Variants in CIMAP2 observed in about 807,000 individuals in gnomAD.
CIMAP2 encodes the protein ciliary microtubule-associated protein 2.
the CIMAP2 span, among the ~76,000 whole-genome samples, chr1:54,821,012 G>A: frequency 1.3e-5 from 2 of 151,626 alleles, no homozygotes; most frequent in Non-Finnish European, 1.5e-5. Context: ...CAGGTGATCC[G>A]CCCACCTTGG....
the CIMAP2 span, among the ~76,000 whole-genome samples, chr1:54,807,344 G>A: frequency 1.3e-5 from 2 of 152,268 alleles, no homozygotes; most frequent in East Asian, 3.9e-4. Context: ...AGTGATAGAG[G>A]ATGTCACGAT....
chr1:54,834,630 G>T, the CIMAP2 span, among the ~76,000 whole-genome samples: 1 of 152,076 alleles, frequency 6.6e-6, no homozygotes, highest in African/African-American at 2.4e-5. Context: ...GGAATATGTG[G>T]ATATATATAA....
At chr1:54,806,263 G>C in the CIMAP2 span, 3 of 1,457,756 alleles carry the variant, frequency 2.1e-6, no homozygotes, top group South Asian at 4.0e-5. Context: ...ACGGTCCAAA[G>C]CAGCTGCTGC....
the CIMAP2 span, among the ~76,000 whole-genome samples, chr1:54,814,226 C>T: frequency 1.3e-5 from 2 of 152,200 alleles, no homozygotes; most frequent in African/African-American, 4.8e-5. Flanking sequence ...TCGGAGCCTA[C>T]AGCATGGTGC....
At chr1:54,811,765 G>GCCGGGGGGGGGGGCGCCCCCCCC in the CIMAP2 span, 2 of 1,301,324 alleles carry the variant, frequency 1.5e-6, no homozygotes, top group African/African-American at 1.5e-5. Flanking sequence ...GGTTCTGACA[G>GCCGGGGGGGGGGGCGCCCCCCCC]CCTCCATGCC....
At chr1:54,819,812 TTTTCTTTCTTTCTC>T in the CIMAP2 span, among the ~76,000 whole-genome samples, 12,794 of 100,272 alleles carry the variant, frequency 0.13, 776 homozygotes, top group Non-Finnish European at 0.18. Context: ...TTCTTTTTCT[TTTTCTTTCTTTCTC>T]TTTCTTTCTT....
chr1:54,830,249 T>A, the CIMAP2 span, among the ~76,000 whole-genome samples: 14,888 of 152,044 alleles, frequency 0.098, 884 homozygotes, highest in Non-Finnish European at 0.13. The surrounding 1 kb of genome is among the most constrained non-coding windows in gnomAD (Gnocchi z 4.1). Flanking sequence ...TGAGACAGAG[T>A]TTTGCTTTTG....
chr1:54,818,654 C>T, the CIMAP2 span, among the ~76,000 whole-genome samples: 1 of 152,014 alleles, frequency 6.6e-6, no homozygotes, highest in African/African-American at 2.4e-5. Context: ...CACAGTGATG[C>T]AATCTTGGCT....
At chr1:54,811,772 T>TCCCCCCCCCCCC in the CIMAP2 span, 43 of 454,862 alleles carry the variant, frequency 9.5e-5, no homozygotes, top group Middle Eastern at 4.9e-4. Flanking sequence ...ACAGCCTCCA[T>TCCCCCCCCCCCC]GCCCCCACCC....
At chr1:54,809,669 G>T in the CIMAP2 span, among the ~76,000 whole-genome samples, 1 of 151,992 alleles carries the variant, frequency 6.6e-6, no homozygotes, top group Non-Finnish European at 1.5e-5. Context: ...TCACCCACAG[G>T]TTTGGCCCCC....
chr1:54,820,800 G>A, the CIMAP2 span, among the ~76,000 whole-genome samples: 11 of 151,994 alleles, frequency 7.2e-5, no homozygotes, highest in African/African-American at 2.4e-4. Flanking sequence ...ATGGAGTTTC[G>A]CTCTGTCACC....
chr1:54,814,577 G>A, the CIMAP2 span, among the ~76,000 whole-genome samples: 7 of 152,212 alleles, frequency 4.6e-5, no homozygotes, highest in Non-Finnish European at 7.3e-5. Flanking sequence ...AGGGTGAGAC[G>A]GGGCTGGGAT....
At chr1:54,819,273 G>A in the CIMAP2 span, among the ~76,000 whole-genome samples, 19 of 152,134 alleles carry the variant, frequency 1.2e-4, no homozygotes, top group African/African-American at 4.3e-4. Flanking sequence ...CTCATTGTGG[G>A]ACCTGTCTGC....
the CIMAP2 span, among the ~76,000 whole-genome samples, chr1:54,808,458 G>A: frequency 6.6e-6 from 1 of 152,128 alleles, no homozygotes; most frequent in Non-Finnish European, 1.5e-5. Flanking sequence ...GTGGGAACAT[G>A]CTTGTCAAAT....
chr1:54,814,208 C>G, the CIMAP2 span, among the ~76,000 whole-genome samples: 2 of 152,164 alleles, frequency 1.3e-5, no homozygotes, highest in African/African-American at 4.8e-5. Context: ...TTAGATGAGG[C>G]CCTGTACTCG....
the CIMAP2 span, among the ~76,000 whole-genome samples, chr1:54,819,928 AT>A: frequency 2.6e-5 from 1 of 38,886 alleles, no homozygotes; most frequent in African/African-American, 1.6e-4. Flanking sequence ...CCTCCCCCCC[AT>A]ATTTCTTTTC....
chr1:54,811,483 G>A, the CIMAP2 span, among the ~76,000 whole-genome samples: 1 of 152,170 alleles, frequency 6.6e-6, no homozygotes, highest in African/African-American at 2.4e-5. Flanking sequence ...AGAATGACAT[G>A]TGCTTGAGGA....
chr1:54,835,966 C>T, the CIMAP2 span, among the ~76,000 whole-genome samples: 1 of 151,928 alleles, frequency 6.6e-6, no homozygotes, highest in African/African-American at 2.4e-5. Flanking sequence ...CCTGCCCTTA[C>T]CCCACCTGAC....
chr1:54,816,505 C>T, the CIMAP2 span, among the ~76,000 whole-genome samples: 3 of 152,298 alleles, frequency 2.0e-5, no homozygotes, highest in East Asian at 3.9e-4. Context: ...TGGCTTAAAG[C>T]AACAGAAATA....
Sources: gnomAD v4.1 joint callset for allele counts (sites outside exome capture counted in the v4.1 genomes callset) on GRCh38, gnomAD v4.1.1 for gene constraint, Gnocchi (gnomAD v3.1) non-coding constraint, MANE v1.5 for transcripts, NCBI Gene and HGNC (gene_info 2026-07-23, HGNC 2026-07-21) for gene names.